Variants in PITPNC1 observed in about 807,000 individuals in gnomAD.
PITPNC1 encodes cytoplasmic phosphatidylinositol transfer protein 1.
PITPNC1 carries 18 observed loss-of-function variants against 44.7 expected under a neutral mutation model. That is an observed-to-expected ratio of 0.40 (90% confidence interval 0.28 to 0.60). The LOEUF (loss-of-function observed/expected upper bound fraction) is 0.60, where lower values mean the gene tolerates loss of function less well. Among genes scored for constraint, PITPNC1 ranks in the 20% least tolerant of loss-of-function variants. The pLI is 0.39. For missense variants in PITPNC1, 290 were observed against 418.4 expected (o/e 0.69, Z 2.68); for synonymous variants, 141 against 149.6 (o/e 0.94, Z 0.42).
intron 8 of PITPNC1, 149 bp from the exon 9 acceptor site, chr17:67,692,423 G>A: frequency 1.6e-6 from 1 of 613,748 alleles, no homozygotes; most frequent in Non-Finnish European, 2.9e-6. Flanking sequence ...TGGGGGTTTG[G>A]TATTTCAATG....
intron 1 of PITPNC1, among the ~76,000 whole-genome samples, chr17:67,448,569 C>G (rs991859214): frequency 7.2e-5 from 11 of 152,168 alleles, no homozygotes; most frequent in African/African-American, 2.7e-4. Flanking sequence ...TTAATCTCAC[C>G]TCCGTTTCTC....
At chr17:67,412,279 T>G (rs2038511327) in intron 1 of PITPNC1, among the ~76,000 whole-genome samples, 1 of 152,088 alleles carries the variant, frequency 6.6e-6, no homozygotes, top group Non-Finnish European at 1.5e-5. Context: ...GTGCTGAGGA[T>G]GGGGTAATTT....
chr17:67,505,597 A>G (rs1468374087), intron 1 of PITPNC1, among the ~76,000 whole-genome samples: 1 of 151,938 alleles, frequency 6.6e-6, no homozygotes. Context: ...ATTCCAGTCT[A>G]TTTGTAACTT....
At chr17:67,621,359 T>C (rs1261401418) in intron 5 of PITPNC1, among the ~76,000 whole-genome samples, 1 of 151,954 alleles carries the variant, frequency 6.6e-6, no homozygotes, top group Non-Finnish European at 1.5e-5. Context: ...AGGTGTGTGC[T>C]GCCACACCTG....
chr17:67,441,117 T>C (rs1280845240), intron 1 of PITPNC1, among the ~76,000 whole-genome samples: 4 of 152,164 alleles, frequency 2.6e-5, no homozygotes, highest in Admixed American at 2.6e-4. Context: ...CACTCAAACA[T>C]CCGCTCAACT....
intron 6 of PITPNC1, chr17:67,638,076 C>A (rs2042053669): frequency 6.6e-6 from 1 of 152,184 alleles, no homozygotes. Context: ...GTGGCTGATA[C>A]ATAGTGTCTT....
chr17:67,519,183 T>G (rs1278542836), intron 1 of PITPNC1, among the ~76,000 whole-genome samples: 12 of 145,998 alleles, frequency 8.2e-5, no homozygotes, highest in East Asian at 2.0e-4. Context: ...TTTTTTTTTT[T>G]TTTTTTTTTT....
chr17:67,408,674 CTTT>C (rs2038437456), intron 1 of PITPNC1: 4 of 47,958 alleles, frequency 8.3e-5, no homozygotes, highest in South Asian at 9.2e-4. Flanking sequence ...CTTGCTTTCT[CTTT>C]CTTCCTTCCT....
intron 1 of PITPNC1, among the ~76,000 whole-genome samples, chr17:67,507,941 G>A (rs1287926989): frequency 2.6e-5 from 4 of 152,052 alleles, no homozygotes; most frequent in Non-Finnish European, 5.9e-5. Flanking sequence ...CTGCAACCTG[G>A]ATCGCTTTCC....
chr17:67,430,253 C>G (rs2038835630), intron 1 of PITPNC1, among the ~76,000 whole-genome samples: 1 of 152,056 alleles, frequency 6.6e-6, no homozygotes, highest in Non-Finnish European at 1.5e-5. Context: ...TGCCAGTAAT[C>G]CCAGCACTTT....
At chr17:67,476,974 G>A (rs1029002463) in intron 1 of PITPNC1, among the ~76,000 whole-genome samples, 1 of 152,200 alleles carries the variant, frequency 6.6e-6, no homozygotes, top group African/African-American at 2.4e-5. Flanking sequence ...AACCTGCATT[G>A]CAACAAGGTT....
At chr17:67,467,926 G>A (rs749942686) in intron 1 of PITPNC1, among the ~76,000 whole-genome samples, 2 of 152,226 alleles carry the variant, frequency 1.3e-5, no homozygotes, top group Admixed American at 6.5e-5. Context: ...GGAGACTTAC[G>A]ATGTAATTGC....
chr17:67,516,197 G>A (rs2040255976), intron 1 of PITPNC1, among the ~76,000 whole-genome samples: 1 of 152,190 alleles, frequency 6.6e-6, no homozygotes, highest in African/African-American at 2.4e-5. Context: ...ATGCAGGAGT[G>A]AGCAGTCACT....
chr17:67,559,922 A>T (rs1393760830), intron 4 of PITPNC1, among the ~76,000 whole-genome samples: 1 of 152,140 alleles, frequency 6.6e-6, no homozygotes, highest in Admixed American at 6.6e-5. Context: ...AAAGAAGATT[A>T]TGTGAGACCG....
chr17:67,480,161 T>C (rs2039683533), intron 1 of PITPNC1, among the ~76,000 whole-genome samples: 1 of 152,194 alleles, frequency 6.6e-6, no homozygotes, highest in South Asian at 2.1e-4. Context: ...CATTGACCCA[T>C]CCTGTTGCTG....
In PITPNC1 at chr17:67,532,965, C is replaced by T. The variant is rs375243562; in HGVS notation, c.197+15C>T. On this transcript the variant is annotated intron_variant, in intron 2 of 8. Coordinates refer to ENST00000581322, the MANE Select transcript of PITPNC1 (RefSeq NM_012417.4). ...TATCTCAACAGGTGAGTCATGGCAG[C>T]CTGCGTTCTGCACAGAAGCCCCCTC... 3.0e-4 allele frequency: 482 copies of T among 1,600,620 alleles called. No individual in the cohort carries two copies. Among genetic ancestry groups the T allele is most frequent in the Non-Finnish European group, 4.0e-4 (472 of 1,173,752 alleles).
intron 5 of PITPNC1, among the ~76,000 whole-genome samples, chr17:67,579,083 T>C (rs2041191358): frequency 6.6e-6 from 1 of 152,228 alleles, no homozygotes; most frequent in South Asian, 2.1e-4. Context: ...CACCCACACA[T>C]CCTACCTTAA....
At chr17:67,403,218 C>CAAAAAAAAAAAAAAAAAAAAAA (rs34768084) in intron 1 of PITPNC1, among the ~76,000 whole-genome samples, 5 of 68,962 alleles carry the variant, frequency 7.3e-5, no homozygotes, top group Admixed American at 2.2e-4. Context: ...CTCATCTCTA[C>CAAAAAAAAAAAAAAAAAAAAAA]AAAAAAAAAA....
intron 4 of PITPNC1, among the ~76,000 whole-genome samples, chr17:67,575,264 GC>G (rs11325578): frequency 0.71 from 107,349 of 151,888 alleles, 38,322 homozygotes; most frequent in Middle Eastern, 0.86. Context: ...CTGCTTTGGG[GC>G]TCTGAGTCCT....
Sources: allele counts gnomAD v4.1 joint callset (sites outside exome capture counted in the v4.1 genomes callset), GRCh38; gene constraint gnomAD v4.1.1; transcripts MANE v1.5; gene names NCBI Gene and HGNC (gene_info 2026-07-23, HGNC 2026-07-21).